GNAI1: variants seen among roughly 807,000 people sequenced by gnomAD.
GNAI1 encodes the protein guanine nucleotide-binding protein G(i) subunit alpha-1.
GNAI1 carries 11 observed loss-of-function variants against 38.9 expected under a neutral mutation model. That is an observed-to-expected ratio of 0.28 (90% confidence interval 0.18 to 0.47). The LOEUF is 0.47. GNAI1 is among the 20% of genes least tolerant of loss of function. The pLI, the probability that GNAI1 is intolerant of heterozygous loss-of-function variation, is 0.99. For synonymous variants in GNAI1, 166 were observed against 145.1 expected, an observed-to-expected ratio of 1.14 and a Z score of -1.04; for missense variants, 317 against 436.9, an observed-to-expected ratio of 0.73 and a Z score of 2.45.
intron 1 of GNAI1, among the ~76,000 whole-genome samples, chr7:80,164,092 T>A (rs1230284204): frequency 7.0e-6 from 1 of 142,402 alleles, no homozygotes; most frequent in Non-Finnish European, 1.5e-5. Context: ...GTCACCAGGC[T>A]GGAGTGCAGT....
chr7:80,181,340 T>C (rs1030640352), intron 1 of GNAI1, among the ~76,000 whole-genome samples: 40 of 152,164 alleles, frequency 2.6e-4, no homozygotes, highest in Non-Finnish European at 4.3e-4. Context: ...TAGGGACTTA[T>C]AAACACAAAC....
At chr7:80,216,177 A>T (rs1018086490) in intron 7 of GNAI1, among the ~76,000 whole-genome samples, 1 of 151,260 alleles carries the variant, frequency 6.6e-6, no homozygotes, top group Non-Finnish European at 1.5e-5. Context: ...GTACATACAT[A>T]CATACGTACA....
intron 1 of GNAI1, among the ~76,000 whole-genome samples, chr7:80,154,929 T>C (rs1787793518): frequency 6.6e-6 from 1 of 152,190 alleles, no homozygotes; most frequent in Admixed American, 6.5e-5. Flanking sequence ...TTTTTTAAAG[T>C]AGATTCTTTT....
chr7:80,202,885 T>C (rs1447952446), intron 4 of GNAI1, among the ~76,000 whole-genome samples: 1 of 152,198 alleles, frequency 6.6e-6, no homozygotes, highest in Non-Finnish European at 1.5e-5. Context: ...TTACAGCTTC[T>C]CCTGGGGCAG....
At chr7:80,163,656 G>A (rs952846002) in intron 1 of GNAI1, among the ~76,000 whole-genome samples, 1 of 152,128 alleles carries the variant, frequency 6.6e-6, no homozygotes, top group Non-Finnish European at 1.5e-5. Context: ...TTTTCCTTTT[G>A]TCTTTTTGCC....
rs1789133180 is a variant in GNAI1 at position 80,224,851 on chromosome 7, G to A, written c.*7358G>A. ...ATGTTGAACTGATTTGTGATATATT[G>A]GGTTATATAATTTTAAAATTCTACT... On this transcript the variant is annotated 3_prime_UTR_variant, in exon 8 of 8. Coordinates refer to ENST00000649796, the MANE Select transcript of GNAI1 (RefSeq NM_002069.6). 6.6e-6 allele frequency among the ~76,000 whole-genome samples: 1 copy of A among 152,114 alleles called. No individual in the cohort carries two copies. The highest frequency in any genetic ancestry group is 1.5e-5 in the Non-Finnish European group (1 of 68,030).
At chr7:80,177,790 C>T (rs527961786) in intron 1 of GNAI1, among the ~76,000 whole-genome samples, 1 of 152,126 alleles carries the variant, frequency 6.6e-6, no homozygotes, top group Non-Finnish European at 1.5e-5. Context: ...TGTTTTTACG[C>T]CTTCTAACAC....
intron 4 of GNAI1, among the ~76,000 whole-genome samples, chr7:80,201,699 G>T (rs1788689004): frequency 6.6e-6 from 1 of 152,086 alleles, no homozygotes; most frequent in African/African-American, 2.4e-5. Flanking sequence ...ATTCCAGCCT[G>T]GGTGACAGAG....
intron 5 of GNAI1, among the ~76,000 whole-genome samples, 154 bp downstream of exon 5, chr7:80,203,986 GAGAA>G (rs1382236766): frequency 1.3e-5 from 2 of 152,062 alleles, no homozygotes; most frequent in Admixed American, 6.5e-5. Context: ...GAATGTTTGG[GAGAA>G]AGAAGTCAAA....
chr7:80,169,931 C>T (rs768050645), intron 1 of GNAI1, among the ~76,000 whole-genome samples: 6 of 152,248 alleles, frequency 3.9e-5, no homozygotes, highest in Non-Finnish European at 8.8e-5. Flanking sequence ...TCATATAATA[C>T]GATCTTTGGA....
chr7:80,138,676 G>A (rs1279164860), intron 1 of GNAI1, among the ~76,000 whole-genome samples: 3 of 152,070 alleles, frequency 2.0e-5, no homozygotes, highest in Non-Finnish European at 4.4e-5. Context: ...TGTATTTGGA[G>A]GACATAAGAT....
At position 80,185,836 on chromosome 7, in the gene GNAI1, C is replaced by T. The variant is rs974719632; in HGVS notation, c.119-3115C>T. ...GTTCAGAATGTTGAAACCCTAACCA[C>T]GTGGCATTTGTAATTTTCCTCTTAG... On this transcript the variant is annotated intron_variant, in intron 1 of 7. Transcript: ENST00000649796. Among the ~76,000 whole-genome samples, 9 of 152,200 alleles carry T rather than the reference C, an allele frequency of 5.9e-5. No individual in the cohort carries two copies. In the East Asian group the frequency reaches 1.4e-3, roughly 23 times the overall value.
At chr7:80,204,308 A>G (rs1788736296) in intron 5 of GNAI1, among the ~76,000 whole-genome samples, 1 of 152,050 alleles carries the variant, frequency 6.6e-6, no homozygotes, top group Admixed American at 6.6e-5. Flanking sequence ...GTCCTTATGC[A>G]CTATTTCATG....
In GNAI1 at chr7:80,223,594, A is replaced by C. The variant is rs1789115135; in HGVS notation, c.*6101A>C. Among the ~76,000 whole-genome samples, 1 of 152,226 alleles carries C rather than the reference A, an allele frequency of 6.6e-6. No homozygotes were observed. Among genetic ancestry groups the C allele is most frequent in the Admixed American group, 6.5e-5 (1 of 15,280 alleles). On this transcript the variant is annotated 3_prime_UTR_variant, in exon 8 of 8. Transcript: ENST00000649796. ...AATTTCTATTAAATAGTACTGAGGT[A>C]TCAATTTTGTAGCTTGTGGAATGCG...
At chr7:80,198,151 G>A (rs139042044) in intron 3 of GNAI1, among the ~76,000 whole-genome samples, 180 of 151,754 alleles carry the variant, frequency 1.2e-3, no homozygotes, top group African/African-American at 3.9e-3. Context: ...GCTACTATCC[G>A]CATGTGGCTA....
intron 1 of GNAI1, among the ~76,000 whole-genome samples, chr7:80,137,781 T>C (rs988765404): frequency 6.6e-6 from 1 of 152,242 alleles, no homozygotes; most frequent in African/African-American, 2.4e-5. Flanking sequence ...CTGTCCCTGC[T>C]GGCCCAGCAC....
chr7:80,152,055 G>T (rs1353840479), intron 1 of GNAI1, among the ~76,000 whole-genome samples: 1 of 151,722 alleles, frequency 6.6e-6, no homozygotes, highest in Non-Finnish European at 1.5e-5. Context: ...TTTAGTATAC[G>T]CTATTTCCTT....
intron 4 of GNAI1, among the ~76,000 whole-genome samples, chr7:80,202,217 A>G (rs776346033): frequency 2.0e-5 from 3 of 151,862 alleles, no homozygotes; most frequent in Non-Finnish European, 4.4e-5. Flanking sequence ...AGCCTCCCCA[A>G]TAGCTGGGAT....
chr7:80,163,032 A>G (rs1439991203), intron 1 of GNAI1, among the ~76,000 whole-genome samples: 1 of 152,164 alleles, frequency 6.6e-6, no homozygotes, highest in African/African-American at 2.4e-5. Flanking sequence ...CTGATGATAG[A>G]TTCAAGGAAG....
Sources: allele counts gnomAD v4.1 joint callset (sites outside exome capture counted in the v4.1 genomes callset), GRCh38; gene constraint gnomAD v4.1.1; transcripts MANE v1.5; gene names NCBI Gene and HGNC (gene_info 2026-07-23, HGNC 2026-07-21).